The following GPC5 variants were observed in gnomAD, a reference collection of about 807,000 sequenced individuals.
The protein encoded by GPC5 is glypican 5, also known as glypican-5.
GPC5 carries 47 observed loss-of-function variants against 53.9 expected under a neutral mutation model. That is an observed-to-expected ratio of 0.87 (90% CI 0.69 to 1.11). The LOEUF (loss-of-function observed/expected upper bound fraction) is 1.11, where lower values mean the gene tolerates loss of function less well. GPC5 is among the 50% of genes most tolerant of loss of function. The pLI, the probability that GPC5 is intolerant of heterozygous loss-of-function variation, is 0.00. For missense variants in GPC5, 748 were observed against 713.1 expected, an observed-to-expected ratio of 1.05 and a Z score of -0.56; for synonymous variants, 286 against 263.3, an observed-to-expected ratio of 1.09 and a Z score of -0.84.
intron 7 of GPC5, among the ~76,000 whole-genome samples, chr13:92,393,247 G>A (rs1875105844): frequency 6.6e-6 from 1 of 152,138 alleles, no homozygotes; most frequent in South Asian, 2.1e-4. Flanking sequence ...ATGTCTTGCA[G>A]AAATATAGTT....
chr13:91,402,209 T>C (rs568706061), intron 1 of GPC5, among the ~76,000 whole-genome samples: 1 of 152,274 alleles, frequency 6.6e-6, no homozygotes, highest in African/African-American at 2.4e-5. Context: ...GAAATATGCA[T>C]GTTTGTTGAT....
intron 6 of GPC5, among the ~76,000 whole-genome samples, chr13:92,137,244 A>C (rs187662171): frequency 6.6e-6 from 1 of 152,374 alleles, no homozygotes; most frequent in East Asian, 1.9e-4. Flanking sequence ...GCACACAATT[A>C]ATGTGTGGCT....
chr13:91,987,584 C>G (rs2040420143), intron 6 of GPC5, among the ~76,000 whole-genome samples: 1 of 151,244 alleles, frequency 6.6e-6, no homozygotes, highest in Non-Finnish European at 1.5e-5. Context: ...ATGTTTTTGA[C>G]AAATGAAGAT....
chr13:92,330,463 G>A (rs1283860931), intron 7 of GPC5, among the ~76,000 whole-genome samples: 1 of 152,022 alleles, frequency 6.6e-6, no homozygotes. Flanking sequence ...TTATCCTTAT[G>A]TATTACATAG....
At chr13:91,670,512 A>G (rs1211562935) in intron 2 of GPC5, among the ~76,000 whole-genome samples, 1 of 152,230 alleles carries the variant, frequency 6.6e-6, no homozygotes, top group Non-Finnish European at 1.5e-5. Flanking sequence ...TTGGGAGATT[A>G]AAGCAAAACA....
At chr13:91,481,564 T>A (rs964980344) in intron 2 of GPC5, among the ~76,000 whole-genome samples, 3 of 152,150 alleles carry the variant, frequency 2.0e-5, no homozygotes, top group Non-Finnish European at 4.4e-5. Context: ...CTCAGAGGTA[T>A]GACTAGAGTC....
intron 6 of GPC5, among the ~76,000 whole-genome samples, chr13:92,064,125 G>A (rs1239071628): frequency 1.3e-5 from 2 of 151,980 alleles, no homozygotes; most frequent in Non-Finnish European, 2.9e-5. Flanking sequence ...TAGACACAAA[G>A]GTTTTACAAA....
At chr13:92,496,939 A>G (rs1266488314) in intron 7 of GPC5, among the ~76,000 whole-genome samples, 1 of 152,164 alleles carries the variant, frequency 6.6e-6, no homozygotes, top group African/African-American at 2.4e-5. Context: ...ACAGAGTGAG[A>G]CAAGTTTTAA....
chr13:92,801,433 G>GTA (rs1262612488), intron 7 of GPC5, among the ~76,000 whole-genome samples: 3 of 151,628 alleles, frequency 2.0e-5, no homozygotes, highest in East Asian at 1.9e-4. Context: ...TCACATAAAA[G>GTA]TATAGCACAT....
At chr13:92,397,213 C>G (rs1329753345) in intron 7 of GPC5, among the ~76,000 whole-genome samples, 1 of 152,128 alleles carries the variant, frequency 6.6e-6, no homozygotes, top group Non-Finnish European at 1.5e-5. Flanking sequence ...ATTATAGTCC[C>G]GATCATTCCC....
At chr13:91,417,273 C>T (rs1371733558) in intron 1 of GPC5, among the ~76,000 whole-genome samples, 2 of 152,092 alleles carry the variant, frequency 1.3e-5, no homozygotes, top group Non-Finnish European at 2.9e-5. Flanking sequence ...CATATGGGTC[C>T]AAATATCATT....
At chr13:92,442,781 A>T (rs1594206050) in intron 7 of GPC5, among the ~76,000 whole-genome samples, 1 of 152,174 alleles carries the variant, frequency 6.6e-6, no homozygotes, top group Admixed American at 6.6e-5. Flanking sequence ...TAAGAGTATC[A>T]GGTCTACATG....
intron 3 of GPC5, among the ~76,000 whole-genome samples, chr13:91,696,218 T>C (rs2035876248): frequency 6.6e-6 from 1 of 152,208 alleles, no homozygotes; most frequent in Non-Finnish European, 1.5e-5. Context: ...TTATGTTTCC[T>C]AAAGAAGTTT....
intron 6 of GPC5, among the ~76,000 whole-genome samples, chr13:92,045,666 G>A (rs2040976419): frequency 6.6e-6 from 1 of 152,098 alleles, no homozygotes; most frequent in Non-Finnish European, 1.5e-5. Context: ...ATGAAAAACT[G>A]AGGAGGATTT....
intron 5 of GPC5, among the ~76,000 whole-genome samples, chr13:91,855,626 T>G (rs1398406312): frequency 5.3e-5 from 8 of 151,604 alleles, no homozygotes; most frequent in Admixed American, 5.3e-4. Flanking sequence ...AACAGGTTAC[T>G]GCCAGGGCAT....
chr13:91,933,385 G>T (rs1265806968), intron 6 of GPC5, among the ~76,000 whole-genome samples: 3 of 151,850 alleles, frequency 2.0e-5, no homozygotes, highest in Non-Finnish European at 2.9e-5. Context: ...TCTCTACTGA[G>T]ATTTTCCTGT....
At chr13:92,167,020 A>G (rs919310452) in intron 7 of GPC5, among the ~76,000 whole-genome samples, 1 of 151,652 alleles carries the variant, frequency 6.6e-6, no homozygotes, top group Admixed American at 6.6e-5. Flanking sequence ...TATCCTGAAC[A>G]GTTAAATTTC....
At chr13:91,991,823 T>G (rs190612801) in intron 6 of GPC5, among the ~76,000 whole-genome samples, 1 of 150,928 alleles carries the variant, frequency 6.6e-6, no homozygotes, top group Admixed American at 6.6e-5. Context: ...AACAAGATAG[T>G]TAATTTCTCT....
At chr13:91,399,767 G>T (rs909129760) in intron 1 of GPC5, among the ~76,000 whole-genome samples, 1 of 152,070 alleles carries the variant, frequency 6.6e-6, no homozygotes, top group Non-Finnish European at 1.5e-5. Flanking sequence ...GCCCTTCTGT[G>T]CCCTCGTATC....
Sources: gnomAD v4.1 joint callset for allele counts (sites outside exome capture counted in the v4.1 genomes callset) on GRCh38, gnomAD v4.1.1 for gene constraint, MANE v1.5 for transcripts, NCBI Gene and HGNC (gene_info 2026-07-23, HGNC 2026-07-21) for gene names.